The following CMTM4 variants were observed in gnomAD, a reference collection of about 807,000 sequenced individuals.
CMTM4 encodes the protein CKLF like MARVEL transmembrane domain containing 4, also known as CKLF-like MARVEL transmembrane domain-containing protein 4.
CMTM4 carries 8 observed loss-of-function variants against 19.0 expected under a neutral mutation model. The ratio of observed to expected loss-of-function variants is 0.42; its 90% CI spans 0.25 to 0.76. CMTM4 has a LOEUF of 0.76. Ranked by LOEUF, CMTM4 falls within the 30% of genes least tolerant of loss-of-function variation. The pLI is 0.27. For missense variants in CMTM4, 228 were observed against 290.2 expected, an observed-to-expected ratio of 0.79 and a Z score of 1.56; for synonymous variants, 106 against 121.1, an observed-to-expected ratio of 0.88 and a Z score of 0.82.
chr16:66,614,026 C>G (rs2015479915), downstream of CMTM4: 1 of 152,212 alleles, frequency 6.6e-6, no homozygotes, highest in South Asian at 2.1e-4. This position sits in a 1 kb window ranked among gnomAD's most constrained non-coding sequence, Gnocchi z 4.9. Context: ...TGTTCTATCT[C>G]AGATCATCAG....
intron 1 of CMTM4, among the ~76,000 whole-genome samples, chr16:66,650,474 T>G (rs895499674): frequency 6.6e-6 from 1 of 152,196 alleles, no homozygotes; most frequent in Non-Finnish European, 1.5e-5. Flanking sequence ...CCCTTTCCCT[T>G]ACAGAGGAGC....
At chr16:66,685,298 T>C (rs2017011141) in intron 1 of CMTM4, among the ~76,000 whole-genome samples, 1 of 152,160 alleles carries the variant, frequency 6.6e-6, no homozygotes, top group South Asian at 2.1e-4. Flanking sequence ...CATTTGGGGT[T>C]ACTTCCAGAA....
intron 1 of CMTM4, among the ~76,000 whole-genome samples, chr16:66,652,751 TTTTC>T (rs1203869353): frequency 6.6e-6 from 1 of 152,226 alleles, no homozygotes; most frequent in Non-Finnish European, 1.5e-5. Flanking sequence ...GTGCGAAACA[TTTTC>T]TTATTTTTAA....
rs1258475761 is a variant in CMTM4 at position 66,663,884 on chromosome 16, GTCTT to G, written c.187-27307_187-27304del. Among the ~76,000 whole-genome samples, 7 of 152,152 alleles carry G rather than the reference GTCTT, an allele frequency of 4.6e-5. 1 individual carries two copies. Among genetic ancestry groups the G allele is most frequent in the South Asian group, 2.1e-4 (1 of 4,824 alleles). ...TTCTATTTCTTAGCTGAGACTTTCTGTCTTTCTATTTGTTTAAAGAGTACGCATC... is the reference window on the plus strand; with the variant it reads ...TTCTATTTCTTAGCTGAGACTTTCTGTCTATTTGTTTAAAGAGTACGCATC... On this transcript the variant is annotated intron_variant, in intron 1 of 3. Transcript: ENST00000394106.
chr16:66,655,488 T>C lies in CMTM4; in HGVS notation c.187-18907A>G, dbSNP rs530866613. Among the ~76,000 whole-genome samples the C allele has an allele frequency of 7.2e-5, 11 of 151,916 alleles. No homozygotes were observed. In the East Asian group the frequency reaches 1.7e-3, roughly 24 times the overall value. ...TCCCACTAAAGGAACAGGGATTTCT[T>C]GGTAAAATGCCTGAGGTCTAGGACA... On this transcript the variant is annotated intron_variant, in intron 1 of 3. Transcript: ENST00000394106.
the CMTM4 span, among the ~76,000 whole-genome samples, chr16:66,606,958 C>T: frequency 6.6e-6 from 1 of 152,224 alleles, no homozygotes; most frequent in Non-Finnish European, 1.5e-5. Flanking sequence ...CGTGCCACTG[C>T]ACTCCAGCCT....
downstream of CMTM4, chr16:66,612,531 C>T (rs1289077278): frequency 2.0e-6 from 3 of 1,484,150 alleles, no homozygotes; most frequent in African/African-American, 1.4e-5. This position sits in a 1 kb window ranked among gnomAD's most constrained non-coding sequence, Gnocchi z 6.0. Context: ...AGCAACCCAG[C>T]TGTGCTTCCC....
intron 1 of CMTM4, among the ~76,000 whole-genome samples, chr16:66,644,113 G>A (rs749238044): frequency 6.6e-6 from 1 of 152,114 alleles, no homozygotes; most frequent in Non-Finnish European, 1.5e-5. Context: ...GTACCAGATC[G>A]CATCTTGATA....
chr16:66,645,215 C>T (rs763444888), intron 1 of CMTM4, among the ~76,000 whole-genome samples: 1 of 151,756 alleles, frequency 6.6e-6, no homozygotes, highest in Non-Finnish European at 1.5e-5. Flanking sequence ...ACCTGGGAGG[C>T]GGAGGTTGCA....
At chr16:66,638,198 C>T (rs747267733) in intron 1 of CMTM4, among the ~76,000 whole-genome samples, 5 of 152,138 alleles carry the variant, frequency 3.3e-5, no homozygotes, top group Non-Finnish European at 5.9e-5. Flanking sequence ...CCTCTGCCTC[C>T]GGAGCTTTTA....
At chr16:66,638,324 G>A (rs2016035494) in intron 1 of CMTM4, among the ~76,000 whole-genome samples, 1 of 152,208 alleles carries the variant, frequency 6.6e-6, no homozygotes, top group South Asian at 2.1e-4. Flanking sequence ...ACAATTCCTG[G>A]TTGCCTGGTC....
the CMTM4 span, among the ~76,000 whole-genome samples, chr16:66,601,523 C>T: frequency 6.6e-6 from 1 of 152,174 alleles, no homozygotes; most frequent in African/African-American, 2.4e-5. Context: ...TATGGGCAGC[C>T]ATGGGTGGGT....
chr16:66,659,204 G>A (rs2144855867), intron 1 of CMTM4, among the ~76,000 whole-genome samples: 1 of 152,110 alleles, frequency 6.6e-6, no homozygotes, highest in South Asian at 2.1e-4. Context: ...ATATTGCGTT[G>A]TCACTACTAA....
At chr16:66,611,361 G>A (rs907550002), downstream of CMTM4, among the ~76,000 whole-genome samples, 1 of 152,104 alleles carries the variant, frequency 6.6e-6, no homozygotes, top group Non-Finnish European at 1.5e-5. Flanking sequence ...GCTGAGGCAG[G>A]AGAATCACCT....
chr16:66,672,030 TAC>T (rs942540093), intron 1 of CMTM4, among the ~76,000 whole-genome samples: 1 of 149,944 alleles, frequency 6.7e-6, no homozygotes, highest in African/African-American at 2.5e-5. Context: ...TGTCTCAAAA[TAC>T]ACACACACAC....
chr16:66,648,359 T>C (rs2016245081), intron 1 of CMTM4, among the ~76,000 whole-genome samples: 2 of 152,194 alleles, frequency 1.3e-5, no homozygotes, highest in Non-Finnish European at 2.9e-5. Context: ...AATGAAAATA[T>C]TTTTCCTGGA....
chr16:66,613,329 G>T, downstream of CMTM4: 1 of 576,008 alleles, frequency 1.7e-6, no homozygotes, highest in Admixed American at 3.0e-5. Context: ...AGACTGACTG[G>T]TCCAGAAGAC....
chr16:66,644,777 G>A (rs774274061), intron 1 of CMTM4, among the ~76,000 whole-genome samples: 10 of 152,200 alleles, frequency 6.6e-5, no homozygotes, highest in African/African-American at 1.7e-4. Context: ...GACCCAGGGC[G>A]GGGGAGGGGA....
intron 1 of CMTM4, among the ~76,000 whole-genome samples, chr16:66,673,633 C>A (rs1224980677): frequency 1.3e-5 from 2 of 152,310 alleles, no homozygotes; most frequent in South Asian, 4.1e-4. Context: ...CTTAATATGG[C>A]ATTCCTTAAA....
Sources: allele counts gnomAD v4.1 joint callset (sites outside exome capture counted in the v4.1 genomes callset), GRCh38; gene constraint gnomAD v4.1.1; non-coding constraint Gnocchi (gnomAD v3.1); transcripts MANE v1.5; gene names NCBI Gene and HGNC (gene_info 2026-07-23, HGNC 2026-07-21).